The following CSMD1 variants were observed in gnomAD, a reference collection of about 807,000 sequenced individuals.
The protein encoded by CSMD1 is CUB and Sushi multiple domains 1.
Under a neutral mutation model 417.5 loss-of-function variants are expected in CSMD1, and 213 were observed. The ratio of observed to expected loss-of-function variants is 0.51; its 90% CI spans 0.46 to 0.57. The LOEUF (loss-of-function observed/expected upper bound fraction) is 0.57, where lower values mean the gene tolerates loss of function less well. Among genes scored for constraint, CSMD1 ranks in the 20% least tolerant of loss-of-function variants. CSMD1 has a pLI of 0.00. For synonymous variants in CSMD1, 2,862 were observed against 1,736.8 expected, an observed-to-expected ratio of 1.65 and a Z score of -16.11; for missense variants, 6,923 against 4,529.7, an observed-to-expected ratio of 1.53 and a Z score of -15.17.
chr8:3,318,871 G>A (rs1805961008), intron 23 of CSMD1, among the ~76,000 whole-genome samples: 2 of 152,146 alleles, frequency 1.3e-5, no homozygotes, highest in Non-Finnish European at 2.9e-5. Context: ...CACGGGGCAG[G>A]TGGGTGACTG....
chr8:4,396,616 TAC>T (rs143703195), intron 3 of CSMD1, among the ~76,000 whole-genome samples: 9,512 of 148,478 alleles, frequency 0.064, 887 homozygotes, highest in African/African-American at 0.2. Flanking sequence ...GAAAATGTGA[TAC>T]ACACACACAC....
At chr8:4,764,769 A>G (rs1440967497) in intron 1 of CSMD1, among the ~76,000 whole-genome samples, 1 of 147,732 alleles carries the variant, frequency 6.8e-6, no homozygotes, top group East Asian at 2.1e-4. Context: ...GCTACTCTGG[A>G]GGCTGCGGCA....
At chr8:3,307,598 C>A (rs1185113715) in intron 25 of CSMD1, 97 bp downstream of exon 25, 13 of 1,358,832 alleles carry the variant, frequency 9.6e-6, no homozygotes, top group Non-Finnish European at 1.1e-5. Context: ...AGTTCAGAAA[C>A]TTTAACCATG....
intron 8 of CSMD1, among the ~76,000 whole-genome samples, chr8:3,587,990 C>A (rs1029186546): frequency 6.6e-6 from 1 of 152,112 alleles, no homozygotes; most frequent in African/African-American, 2.4e-5. Context: ...CTAGCCATCA[C>A]AGTTATTTAA....
intron 10 of CSMD1, among the ~76,000 whole-genome samples, chr8:3,497,696 G>C (rs1360582536): frequency 6.6e-6 from 1 of 152,212 alleles, no homozygotes; most frequent in East Asian, 1.9e-4. Flanking sequence ...TACAGGTGCA[G>C]TGAGTTTCTT....
intron 5 of CSMD1, among the ~76,000 whole-genome samples, chr8:3,987,504 G>C (rs1406931608): frequency 2.6e-5 from 4 of 152,098 alleles, no homozygotes; most frequent in African/African-American, 4.8e-5. Flanking sequence ...CCTTTTTAAA[G>C]TCAGGAAACC....
intron 6 of CSMD1, among the ~76,000 whole-genome samples, chr8:3,729,410 C>T (rs1182695661): frequency 6.6e-6 from 1 of 152,176 alleles, no homozygotes; most frequent in Non-Finnish European, 1.5e-5. Context: ...TTAGGCACAA[C>T]TCTCTGCATG....
intron 26 of CSMD1, among the ~76,000 whole-genome samples, chr8:3,277,712 C>T (rs1196041924): frequency 2.0e-5 from 3 of 152,136 alleles, no homozygotes; most frequent in Admixed American, 6.5e-5. Context: ...TGCAGCAAAG[C>T]AGAGACATCA....
intron 2 of CSMD1, among the ~76,000 whole-genome samples, chr8:4,586,225 A>T (rs1799692734): frequency 6.6e-6 from 1 of 152,114 alleles, no homozygotes; most frequent in African/African-American, 2.4e-5. Context: ...AACTATGGTG[A>T]CCCTATTACA....
chr8:3,118,260 G>C (rs1290475797), intron 42 of CSMD1, 139 bp downstream of exon 42: 2 of 642,954 alleles, frequency 3.1e-6, no homozygotes, highest in Non-Finnish European at 5.2e-6. Flanking sequence ...ATACTAAGTG[G>C]AGTGAGTAAA....
intron 2 of CSMD1, among the ~76,000 whole-genome samples, chr8:4,574,164 G>C (rs1277472028): frequency 1.6e-5 from 2 of 124,538 alleles, no homozygotes; most frequent in South Asian, 5.8e-4. Flanking sequence ...AGGAGACGCT[G>C]GGGTCCAAAA....
rs537516736 is a variant in CSMD1, at chr8:3,270,876, C to T, written c.4153+13268G>A. 2.1e-3 allele frequency among the ~76,000 whole-genome samples: 315 copies of T among 151,900 alleles called. 1 individual carries two copies. The highest frequency in any genetic ancestry group is 3.7e-3 in the Non-Finnish European group (249 of 67,996). ...GGCTGGGGAGGCCTCACAATTATGG[C>T]AGAAGGTAAGCAGGAGCAAGTCACA... is the stretch of plus-strand genomic sequence containing the variant. On this transcript the variant is annotated intron_variant, in intron 26 of 69. Coordinates refer to ENST00000635120, the MANE Select transcript of CSMD1 (RefSeq NM_033225.6).
At chr8:4,341,580 C>T (rs181046268) in intron 3 of CSMD1, among the ~76,000 whole-genome samples, 281 of 152,176 alleles carry the variant, frequency 1.8e-3, no homozygotes, top group African/African-American at 6.5e-3. Context: ...GAAATACTAA[C>T]GTTCTGTGGT....
intron 27 of CSMD1, among the ~76,000 whole-genome samples, chr8:3,229,386 G>A (rs1364860118): frequency 2.6e-5 from 4 of 152,168 alleles, no homozygotes; most frequent in Non-Finnish European, 5.9e-5. Flanking sequence ...TGAATGAAGA[G>A]ACAATCTACC....
At chr8:4,953,298 G>T (rs73173785) in intron 1 of CSMD1, among the ~76,000 whole-genome samples, 51 of 152,144 alleles carry the variant, frequency 3.4e-4, no homozygotes, top group Non-Finnish European at 6.2e-4. Flanking sequence ...CTTTTAGAAA[G>T]TACAATATCT....
chr8:4,458,231 C>A (rs547626375), intron 2 of CSMD1, among the ~76,000 whole-genome samples: 1 of 152,136 alleles, frequency 6.6e-6, no homozygotes, highest in South Asian at 2.1e-4. Flanking sequence ...TTATAATGAT[C>A]GGTCACACTT....
At chr8:4,893,228 T>C (rs190317989) in intron 1 of CSMD1, among the ~76,000 whole-genome samples, 5 of 152,288 alleles carry the variant, frequency 3.3e-5, no homozygotes, top group Non-Finnish European at 4.4e-5. Context: ...TCTGAATTTC[T>C]TCTTTTAATT....
intron 3 of CSMD1, among the ~76,000 whole-genome samples, chr8:4,312,982 T>G (rs771731110): frequency 6.6e-6 from 1 of 152,150 alleles, no homozygotes; most frequent in South Asian, 2.1e-4. Flanking sequence ...AAGGTAAGTT[T>G]TGCGGGGAAA....
chr8:4,912,335 C>G (rs1009144982), intron 1 of CSMD1, among the ~76,000 whole-genome samples: 4 of 144,968 alleles, frequency 2.8e-5, no homozygotes, highest in East Asian at 2.1e-4. Context: ...GGAAGAATTT[C>G]TTACATTAAG....
Sources: allele counts gnomAD v4.1 joint callset (sites outside exome capture counted in the v4.1 genomes callset), GRCh38; gene constraint gnomAD v4.1.1; transcripts MANE v1.5; gene names NCBI Gene and HGNC (gene_info 2026-07-23, HGNC 2026-07-21).